Variants in ADAMTS20 observed in about 807,000 individuals in gnomAD.
The protein encoded by ADAMTS20 is ADAM metallopeptidase with thrombospondin type 1 motif 20.
ADAMTS20 carries 225 observed loss-of-function variants against 260.1 expected under a neutral mutation model. The observed-to-expected ratio is 0.87, with a 90% CI of 0.78 to 0.97. The LOEUF (loss-of-function observed/expected upper bound fraction) is 0.97, where lower values mean the gene tolerates loss of function less well. ADAMTS20 is among the 50% of genes least tolerant of loss of function. ADAMTS20 has a pLI of 0.00. For synonymous variants in ADAMTS20, 802 were observed against 769.5 expected, an observed-to-expected ratio of 1.04 and a Z score of -0.70; for missense variants, 2,400 against 2,337.7, an observed-to-expected ratio of 1.03 and a Z score of -0.55.
intron 36 of ADAMTS20, among the ~76,000 whole-genome samples, chr12:43,371,548 A>T (rs1940106878): frequency 6.6e-6 from 1 of 152,192 alleles, no homozygotes; most frequent in Non-Finnish European, 1.5e-5. Context: ...AGTGGTGGAG[A>T]GTGGTTCTGG....
At chr12:43,478,536 A>G (rs550419423) in intron 7 of ADAMTS20, among the ~76,000 whole-genome samples, 1 of 152,262 alleles carries the variant, frequency 6.6e-6, no homozygotes, top group South Asian at 2.1e-4. Flanking sequence ...CTCATGACAT[A>G]GCCCAAGCAG....
chr12:43,442,815 A>G (rs935066364), intron 16 of ADAMTS20, among the ~76,000 whole-genome samples: 11 of 152,234 alleles, frequency 7.2e-5, no homozygotes, highest in African/African-American at 2.7e-4. Flanking sequence ...TGAAACTGAT[A>G]TAACATAAAA....
chr12:43,458,706 A>C lies in ADAMTS20; in HGVS notation c.1614+4189T>G, dbSNP rs551605644. 2.0e-5 allele frequency among the ~76,000 whole-genome samples: 3 copies of C among 152,318 alleles called. No homozygotes were observed. In the South Asian group the frequency reaches 6.2e-4, roughly 32 times the overall value. Reference sequence around the variant, plus strand: ...CTCTATTTTTCTGGTGTGTGGCACCAATCAGTTTGATGGTACTATTATATT... The same window carrying C: ...CTCTATTTTTCTGGTGTGTGGCACCCATCAGTTTGATGGTACTATTATATT... On this transcript the variant is annotated intron_variant, in intron 11 of 38. Coordinates refer to ENST00000389420, the MANE Select transcript of ADAMTS20 (RefSeq NM_025003.5).
chr12:43,401,662 A>G lies in ADAMTS20; in HGVS notation c.4285-2429T>C, dbSNP rs528248893. ...TATTACTAGTCTAATCCAGACTGTT[A>G]TTGTCATTGAACATAATTTAAACAT... On this transcript the variant is annotated intron_variant, in intron 28 of 38. Transcript: ENST00000389420. Among the ~76,000 whole-genome samples, 7 of 151,702 alleles carry G rather than the reference A, an allele frequency of 4.6e-5. No homozygotes were observed. The East Asian group carries it at 1.4e-3, about 29-fold the overall frequency.
At chr12:43,430,052 T>C (rs1039629904) in intron 23 of ADAMTS20, among the ~76,000 whole-genome samples, 7 of 151,784 alleles carry the variant, frequency 4.6e-5, no homozygotes, top group Admixed American at 1.3e-4. Context: ...TAGGAGTTCA[T>C]GATATTTATA....
At chr12:43,358,130 C>A (rs1035122716) in intron 37 of ADAMTS20, among the ~76,000 whole-genome samples, 1 of 152,156 alleles carries the variant, frequency 6.6e-6, no homozygotes, top group East Asian at 1.9e-4. Context: ...GCCATGCAAC[C>A]TAATACTGTT....
chr12:43,428,528 AAC>A lies in ADAMTS20; in HGVS notation c.3656_3657del (p.Cys1219PhefsTer23). 3.7e-6 allele frequency: 6 copies of A among 1,608,954 alleles called. No individual in the cohort carries two copies. Among genetic ancestry groups the A allele is most frequent in the Non-Finnish European group, 5.1e-6 (6 of 1,176,862 alleles). On this transcript the variant is annotated frameshift_variant and splice_region_variant, in exon 26 of 39. Coordinates refer to ENST00000389420, the MANE Select transcript of ADAMTS20 (RefSeq NM_025003.5). LOFTEE classifies it high-confidence loss of function. Reference sequence around the variant, plus strand: ...GTTTTTCCATGGCCACAGGAAGCTGAACACTGATCAAAAATTTAGCCAATGGT... The same window carrying A: ...GTTTTTCCATGGCCACAGGAAGCTGAACTGATCAAAAATTTAGCCAATGGT... ...GEWQAGDWSPCSASCGHGKTT... is the reference protein window; with the variant it reads ...GEWQAGDWSPXSASCGHGKTT...
chr12:43,503,756 T>A (rs1592100836), intron 3 of ADAMTS20, among the ~76,000 whole-genome samples: 1 of 152,108 alleles, frequency 6.6e-6, no homozygotes, highest in African/African-American at 2.4e-5. Context: ...TGTCTTTTAC[T>A]TGGTGTGTCT....
Position 43,432,461 on chromosome 12 carries a change from C to T in ADAMTS20, c.2939G>A (p.Arg980Lys). ...WHYSEWSQCSRSCGGGERSRE... is the reference protein window; with the variant it reads ...WHYSEWSQCSKSCGGGERSRE... ...AGACCTTTCCCCTCCTCCACAACTC[C>T]TGGAACACTGATTAAAAAAAAAAAA... The change falls in exon 21 of 39, where the codon AGG (arginine) becomes AAG (lysine). Residue 980 changes from arginine to lysine, a missense_variant. Physicochemically the swap from Arg to Lys is conservative, Grantham distance 26 (BLOSUM62 2). Coordinates refer to ENST00000389420, the MANE Select transcript of ADAMTS20 (RefSeq NM_025003.5). 6.3e-7 allele frequency: 1 copy of T among 1,596,696 alleles called. No individual in the cohort carries two copies. Among genetic ancestry groups the T allele is most frequent in the South Asian group, 1.1e-5 (1 of 87,014 alleles).
chr12:43,373,834 T>C lies in ADAMTS20; in HGVS notation c.5446+1545A>G, dbSNP rs1054780128. ...AGCTGGGACTACAGGCGCCCGCCAC[T>C]ACGCCCGGCTAATTTTTTGTATTTT... On this transcript the variant is annotated intron_variant, in intron 36 of 38. Transcript: ENST00000389420. Among the ~76,000 whole-genome samples the C allele has an allele frequency of 1.9e-3, 292 of 150,988 alleles. 5 individuals carry two copies. The highest frequency in any genetic ancestry group is 0.015 in the Admixed American group (221 of 15,172).
intron 3 of ADAMTS20, among the ~76,000 whole-genome samples, chr12:43,530,417 C>T (rs1323511604): frequency 6.6e-6 from 1 of 152,134 alleles, no homozygotes; most frequent in African/African-American, 2.4e-5. Context: ...AAAAATGAAA[C>T]CCTTATGCTC....
At position 43,434,386 on chromosome 12, in the gene ADAMTS20, A is replaced by C. The variant is rs1437309902; in HGVS notation, c.2594-15T>G. 2 of 1,554,212 alleles carry C rather than the reference A, an allele frequency of 1.3e-6. No individual in the cohort carries two copies. Among genetic ancestry groups the C allele is most frequent in the East Asian group, 4.6e-5 (2 of 43,106 alleles). On this transcript the variant is annotated splice_polypyrimidine_tract_variant and intron_variant, in intron 18 of 38. Coordinates refer to ENST00000389420, the MANE Select transcript of ADAMTS20 (RefSeq NM_025003.5). ...TCGCTGAAGACCTTGGCCAAAGTCA[A>C]ATGAAAATAAAAAATGAAAGAAAAA...
chr12:43,532,091 G>C lies in ADAMTS20; in HGVS notation c.558C>G (p.Tyr186Ter). 6.2e-7 allele frequency: 1 copy of C among 1,612,326 alleles called. No homozygotes were observed. Among genetic ancestry groups the C allele is most frequent in the Non-Finnish European group, 8.5e-7 (1 of 1,179,164 alleles). ...EDGHNKPHLI[Y>*]RQDLNNSFLQ... The stretch of plus-strand genomic sequence containing the variant: ...GAAAAGAGTTATTTAAGTCTTGTCT[G>C]TATATAAGATGTGGCTTGTTGTGAC... The change falls in exon 3 of 39, where the codon TAC becomes TAG. Residue 186 changes from tyrosine to a stop codon, truncating the protein, a stop_gained. Coordinates refer to ENST00000389420, the MANE Select transcript of ADAMTS20 (RefSeq NM_025003.5). LOFTEE classifies it high-confidence loss of function.
At chr12:43,393,169 G>A (rs2137242237) in intron 29 of ADAMTS20, among the ~76,000 whole-genome samples, 1 of 152,072 alleles carries the variant, frequency 6.6e-6, no homozygotes, top group East Asian at 1.9e-4. Context: ...CTCTTAAGTG[G>A]CTTACTAGAA....
In ADAMTS20 at chr12:43,428,750, C is replaced by T. The variant is rs140458220; in HGVS notation, c.3539G>A (p.Arg1180His). The T allele has an allele frequency of 1.4e-5, 22 of 1,611,012 alleles. No homozygotes were observed. The highest frequency in any genetic ancestry group is 4.5e-5 in the East Asian group (2 of 44,786). Residue 1180 changes from arginine (R) to histidine (H), a missense_variant, in exon 25 of 39, where the codon CGT becomes CAT. Coordinates refer to ENST00000389420, the MANE Select transcript of ADAMTS20 (RefSeq NM_025003.5). The part of the protein sequence containing the change: ...RGTQARYVSC[R>H]DALDRIADES... ...ATCTGCTATTCTATCAAGAGCATCA[C>T]GACAGCTTACATAGCGGGCTTGAGT...
chr12:43,399,230 A>C lies in ADAMTS20; in HGVS notation c.4288T>G (p.Ser1430Ala). 6.6e-7 allele frequency: 1 copy of C among 1,515,092 alleles called. No homozygotes were observed. The highest frequency in any genetic ancestry group is 8.8e-7 in the Non-Finnish European group (1 of 1,133,356). The allele number at this position is 1,515,092 out of a possible 1,614,324, so 93.9% of individuals were successfully genotyped here. The change falls in exon 29 of 39, where the codon TCA becomes GCA. Residue 1430 changes from serine to alanine, a missense_variant. Transcript: ENST00000389420. ...SWHQEPWTSC[S>A]ASCGKGRKYR... is the part of the protein sequence containing the mutation. ...TTTCTACCTTTACCACAAGAAGCTG[A>C]GCACTAGAAAAGAAATATGAATGCA... is the stretch of plus-strand genomic sequence containing the variant.
intron 3 of ADAMTS20, among the ~76,000 whole-genome samples, chr12:43,529,974 A>T (rs1310976989): frequency 6.6e-6 from 1 of 152,180 alleles, no homozygotes; most frequent in Non-Finnish European, 1.5e-5. Context: ...TGCCTTTATT[A>T]GTGATTAAAA....
intron 31 of ADAMTS20, among the ~76,000 whole-genome samples, chr12:43,382,848 G>A (rs1940383544): frequency 6.6e-6 from 1 of 151,884 alleles, no homozygotes; most frequent in Non-Finnish European, 1.5e-5. Context: ...ACTGGATGGG[G>A]ATCAGACATC....
chr12:43,454,542 G>A (rs995945259), intron 11 of ADAMTS20, among the ~76,000 whole-genome samples: 4 of 152,178 alleles, frequency 2.6e-5, no homozygotes, highest in African/African-American at 9.7e-5. Context: ...CTCACCACCT[G>A]TTCTACCCAT....
Sources: gnomAD v4.1 joint callset for allele counts (sites outside exome capture counted in the v4.1 genomes callset) on GRCh38, gnomAD v4.1.1 for gene constraint, MANE v1.5 for transcripts, NCBI Gene and HGNC (gene_info 2026-07-23, HGNC 2026-07-21) for gene names.